The following UHRF2 variants were observed in gnomAD, a reference collection of about 807,000 sequenced individuals.
The protein encoded by UHRF2 is E3 ubiquitin-protein ligase UHRF2.
UHRF2 carries 23 observed loss-of-function variants against 96.8 expected under a neutral mutation model. The ratio of observed to expected loss-of-function variants is 0.24; its 90% CI spans 0.17 to 0.34. The LOEUF (loss-of-function observed/expected upper bound fraction) is 0.34. Ranked by LOEUF, UHRF2 falls within the 10% of genes least tolerant of loss-of-function variation. The pLI is 1.00. For synonymous variants in UHRF2, 385 were observed against 332.6 expected (o/e 1.16, Z -1.72); for missense variants, 685 against 981.5 (o/e 0.70, Z 4.04).
At chr9:6,435,604 A>G (rs1448217881) in intron 3 of UHRF2, among the ~76,000 whole-genome samples, 1 of 151,730 alleles carries the variant, frequency 6.6e-6, no homozygotes, top group Non-Finnish European at 1.5e-5. Flanking sequence ...AGATAATAGG[A>G]TTTATTTATT....
chr9:6,431,104 C>G (rs943040002), intron 2 of UHRF2, among the ~76,000 whole-genome samples: 9 of 152,192 alleles, frequency 5.9e-5, no homozygotes, highest in African/African-American at 1.9e-4. Context: ...TTCCTCTGAA[C>G]TGCCTTTAAA....
intron 3 of UHRF2, chr9:6,434,421 C>T (rs1820717061): frequency 2.9e-6 from 1 of 342,842 alleles, no homozygotes; most frequent in Admixed American, 5.0e-5. Flanking sequence ...GTATGGGTTT[C>T]TGTTTGTCTT....
intron 3 of UHRF2, among the ~76,000 whole-genome samples, chr9:6,455,404 T>G (rs1265517397): frequency 6.6e-6 from 1 of 152,210 alleles, no homozygotes; most frequent in East Asian, 1.9e-4. Flanking sequence ...TTTTTTGTAC[T>G]TGCGATAGTT....
chr9:6,430,097 A>C (rs531841078), intron 2 of UHRF2, among the ~76,000 whole-genome samples: 3 of 152,084 alleles, frequency 2.0e-5, no homozygotes, highest in Admixed American at 6.6e-5. Context: ...TACAACCTCC[A>C]CCTCCTGGGT....
chr9:6,458,397 G>C (rs781332259), intron 3 of UHRF2, among the ~76,000 whole-genome samples: 17 of 150,558 alleles, frequency 1.1e-4, no homozygotes, highest in Non-Finnish European at 1.8e-4. Flanking sequence ...TTCTATGTTA[G>C]TCTGGCTGGC....
chr9:6,426,724 T>C (rs1239520770), intron 2 of UHRF2, among the ~76,000 whole-genome samples: 3 of 152,204 alleles, frequency 2.0e-5, no homozygotes, highest in Admixed American at 2.0e-4. Flanking sequence ...TAGAAGCTGC[T>C]ACTTTTGAAA....
Position 6,494,258 on chromosome 9 carries a change from TA to T in UHRF2, c.1604+330del, listed in dbSNP as rs1824839120. On this transcript the variant is annotated intron_variant, in intron 10 of 15. Coordinates refer to ENST00000276893, the MANE Select transcript of UHRF2 (RefSeq NM_152896.3). ...TGTCTACTACTCCATTGGTCAAAGC[TA>T]AAAGTGACAAACTCCTTTTTAGAGT... 4.4e-5 allele frequency: 10 copies of T among 227,614 alleles called. No individual in the cohort carries two copies. In the South Asian group the frequency reaches 1.3e-3, roughly 29 times the overall value. The allele number at this position is 227,614 out of a possible 1,614,324, so 14.1% of individuals were successfully genotyped here. A position where few individuals can be genotyped will look rare whatever the true frequency, so the allele number is the denominator to read the frequency against.
At chr9:6,458,295 A>G (rs1362627562) in intron 3 of UHRF2, among the ~76,000 whole-genome samples, 1 of 151,872 alleles carries the variant, frequency 6.6e-6, no homozygotes, top group Non-Finnish European at 1.5e-5. Context: ...TTTGTGTAGT[A>G]TTCTCTGATG....
At chr9:6,414,814 T>C (rs558644952) in intron 1 of UHRF2, among the ~76,000 whole-genome samples, 22 of 152,338 alleles carry the variant, frequency 1.4e-4, no homozygotes, top group African/African-American at 5.3e-4. Flanking sequence ...AGAGCTTTTT[T>C]TTCCCCTTTC....
intron 3 of UHRF2, among the ~76,000 whole-genome samples, chr9:6,458,888 T>TA (rs374993856): frequency 5.9e-5 from 9 of 152,210 alleles, no homozygotes; most frequent in African/African-American, 2.2e-4. Flanking sequence ...TATGCAGCCA[T>TA]AAAAAAGGAT....
At chr9:6,486,002 A>T (rs758122195) in intron 8 of UHRF2, among the ~76,000 whole-genome samples, 1 of 152,098 alleles carries the variant, frequency 6.6e-6, no homozygotes, top group South Asian at 2.1e-4. Flanking sequence ...AATATTGAGT[A>T]GTTTTGGCTC....
At position 6,500,582 on chromosome 9, in the gene UHRF2, A is replaced by G. The variant is rs766244855; in HGVS notation, c.2036A>G (p.Lys679Arg). ...TGTCCAAGTGCCTCCAAAGTGTACA[A>G]AGCATCAGATTCAGCAGAAGCAATT... is the stretch of plus-strand genomic sequence containing the variant. ...DDCPSASKVYKASDSAEAIEA... is the reference protein window; with the variant it reads ...DDCPSASKVYRASDSAEAIEA... The change falls in exon 14 of 16, where the codon AAA becomes AGA. Residue 679 changes from lysine to arginine, a missense_variant. By Grantham distance (26) the Lys-to-Arg change is conservative. Coordinates refer to ENST00000276893, the MANE Select transcript of UHRF2 (RefSeq NM_152896.3). The G allele has an allele frequency of 5.0e-6, 8 of 1,613,036 alleles. No homozygotes were observed. Among genetic ancestry groups the G allele is most frequent in the South Asian group, 4.4e-5 (4 of 91,000 alleles).
At chr9:6,487,035 T>G in intron 9 of UHRF2, 110 bp downstream of exon 9, 1 of 967,078 alleles carries the variant, frequency 1.0e-6, no homozygotes, top group Non-Finnish European at 1.6e-6. Flanking sequence ...AGCACAGTTT[T>G]TGTTGAAGTA....
intron 3 of UHRF2, among the ~76,000 whole-genome samples, chr9:6,450,347 G>A (rs1432750517): frequency 8.5e-6 from 1 of 118,338 alleles, no homozygotes; most frequent in Non-Finnish European, 1.6e-5. Context: ...CATTTGTCTT[G>A]TACAATTTTC....
chr9:6,454,370 T>C (rs1022154992), intron 3 of UHRF2, among the ~76,000 whole-genome samples: 1 of 152,200 alleles, frequency 6.6e-6, no homozygotes, highest in Non-Finnish European at 1.5e-5. Flanking sequence ...AAGATGATGA[T>C]TGAGGCTGGC....
rs1256478918 is a variant in UHRF2 at position 6,421,096 on chromosome 9, C to T, written c.338C>T (p.Thr113Ile). ...GTAGGACCTTCCAATCAGCCATCTA[C>T]ATCAGCTCGTGCCCGTCTTATTGAT... ...PRVGPSNQPS[T>I]SARARLIDPG... Residue 113 changes from threonine (T) to isoleucine (I), a missense_variant, in exon 2 of 16, where the codon ACA becomes ATA. Coordinates refer to ENST00000276893, the MANE Select transcript of UHRF2 (RefSeq NM_152896.3). The T allele has an allele frequency of 6.2e-7, 1 of 1,614,124 alleles. No individual in the cohort carries two copies. Among genetic ancestry groups the T allele is most frequent in the Non-Finnish European group, 8.5e-7 (1 of 1,180,012 alleles).
At position 6,460,038 on chromosome 9, in the gene UHRF2, C is replaced by T. The variant is rs117776336; in HGVS notation, c.645-535C>T. 2.8e-4 allele frequency among the ~76,000 whole-genome samples: 43 copies of T among 152,280 alleles called. No homozygotes were observed. The East Asian group carries it at 7.7e-3, about 27-fold the overall frequency. ...AGAGCTTATGTTTTTATCACCCTCC[C>T]CAGTCCCCTACTTTCCCAGCTAGCA... On this transcript the variant is annotated intron_variant, in intron 3 of 15. Transcript: ENST00000276893.
At chr9:6,465,420 C>T (rs879248492) in intron 4 of UHRF2, among the ~76,000 whole-genome samples, 2 of 152,116 alleles carry the variant, frequency 1.3e-5, no homozygotes, top group Admixed American at 6.5e-5. Context: ...TCAATAAAGT[C>T]ATCTGGGGCT....
At chr9:6,494,080 T>G in intron 10 of UHRF2, 148 bp downstream of exon 10, 1 of 633,698 alleles carries the variant, frequency 1.6e-6, no homozygotes, top group Admixed American at 3.1e-5. Flanking sequence ...TATGTAATTG[T>G]TTTTCAGCAT....
Sources: allele counts gnomAD v4.1 joint callset (sites outside exome capture counted in the v4.1 genomes callset), GRCh38; gene constraint gnomAD v4.1.1; transcripts MANE v1.5; gene names NCBI Gene and HGNC (gene_info 2026-07-23, HGNC 2026-07-21).